Variants in NIPAL2 observed in about 807,000 individuals in gnomAD.
NIPAL2 encodes the protein NIPA-like protein 2.
NIPAL2 carries 43 observed loss-of-function variants against 48.9 expected under a neutral mutation model. The observed-to-expected ratio is 0.88, with a 90% confidence interval of 0.69 to 1.13. NIPAL2 has a LOEUF of 1.13. NIPAL2 is among the 50% of genes most tolerant of loss of function. The pLI is 0.00. For synonymous variants in NIPAL2, 167 were observed against 174.6 expected (o/e 0.96, Z 0.34); for missense variants, 446 against 461.4 (o/e 0.97, Z 0.31).
At chr8:98,272,708 G>A (rs890797589) in intron 1 of NIPAL2, among the ~76,000 whole-genome samples, 3 of 150,842 alleles carry the variant, frequency 2.0e-5, no homozygotes, top group African/African-American at 4.9e-5. Flanking sequence ...TCCACCTCCC[G>A]GGTTCAAACA....
At chr8:98,193,419 T>C in intron 10 of NIPAL2, 1 of 1,614,076 alleles carries the variant, frequency 6.2e-7, no homozygotes, top group Non-Finnish European at 8.5e-7. Flanking sequence ...GTGTCTTCTT[T>C]TCCACGTCGA....
rs1263868237 is a variant in NIPAL2, at chr8:98,212,412, TGCC to T, written c.645_647del (p.Ala216del). 2 of 1,573,088 alleles carry T rather than the reference TGCC, an allele frequency of 1.3e-6. No homozygotes were observed. Among genetic ancestry groups the T allele is most frequent in the African/African-American group, 2.7e-5 (2 of 74,042 alleles). Reference sequence around the variant, plus strand: ...AACAAAATATGCCTTTACCTAGAATTGCCACCAGGGTTAGCAGAATCACCATAT... The same window carrying T: ...AACAAAATATGCCTTTACCTAGAATTACCAGGGTTAGCAGAATCACCATAT... On this transcript the variant is annotated inframe_deletion, in exon 6 of 11. Coordinates refer to ENST00000430223, the MANE Select transcript of NIPAL2 (RefSeq NM_001321635.2).
rs184055405 is a variant in NIPAL2 at position 98,284,896 on chromosome 8, A to G, written c.135+9107T>C. ...GAGAAATTGCCAAGCAAGAAGCAAG[A>G]TAGAGACCAAGCAGAGGACACTACC... On this transcript the variant is annotated intron_variant, in intron 1 of 10. Coordinates refer to ENST00000430223, the MANE Select transcript of NIPAL2 (RefSeq NM_001321635.2). Among the ~76,000 whole-genome samples the G allele has an allele frequency of 6.6e-5, 10 of 152,226 alleles. No individual in the cohort carries two copies. The East Asian group carries it at 1.9e-3, about 29-fold the overall frequency.
chr8:98,250,282 T>C (rs1343068154), intron 3 of NIPAL2, among the ~76,000 whole-genome samples: 2 of 152,200 alleles, frequency 1.3e-5, no homozygotes, highest in African/African-American at 4.8e-5. Context: ...AGTTATAACA[T>C]AGGAAAGTGT....
In NIPAL2 at chr8:98,195,978, C is replaced by T. The variant is rs752152383; in HGVS notation, c.908G>A (p.Gly303Asp). The T allele has an allele frequency of 1.3e-6, 2 of 1,588,544 alleles. No homozygotes were observed. Among genetic ancestry groups the T allele is most frequent in the South Asian group, 1.1e-5 (1 of 88,646 alleles). The change falls in exon 9 of 11, where the codon GGT becomes GAT. Residue 303 changes from glycine (G) to aspartate (D), a missense_variant. Transcript: ENST00000430223. ...TATAAATACAGTGAGAAAAGGAGCA[C>T]CAAGGAATTCCTGATAAAATATGAT... ...AGIIFYQEFLGAPFLTVFIYL... is the reference protein window; with the variant it reads ...AGIIFYQEFLDAPFLTVFIYL...
chr8:98,241,578 G>A (rs550775097), intron 3 of NIPAL2, among the ~76,000 whole-genome samples: 1 of 152,142 alleles, frequency 6.6e-6, no homozygotes, highest in East Asian at 1.9e-4. Flanking sequence ...CAAGCCTAAA[G>A]GTGTCAATTG....
At position 98,190,062 on chromosome 8, in the gene NIPAL2, C is replaced by T. The variant is rs902655698; in HGVS notation, c.*2916G>A. On this transcript the variant is annotated 3_prime_UTR_variant, in exon 11 of 11. Coordinates refer to ENST00000430223, the MANE Select transcript of NIPAL2 (RefSeq NM_001321635.2). ...GTTAGTGGTGTTCACAAAAGAACCA[C>T]TGCCTTTCAACTTGGACCCTAAGAA... 6.6e-6 allele frequency: 1 copy of T among 152,232 alleles called. No homozygotes were observed. Among genetic ancestry groups the T allele is most frequent in the African/African-American group, 2.4e-5 (1 of 41,460 alleles). The allele number at this position is 152,232 out of a possible 1,614,324, so 9.4% of individuals were successfully genotyped here. A position where few individuals can be genotyped will look rare whatever the true frequency, so the allele number is the denominator to read the frequency against.
At chr8:98,242,751 T>A (rs1384423745) in intron 3 of NIPAL2, among the ~76,000 whole-genome samples, 2 of 152,130 alleles carry the variant, frequency 1.3e-5, no homozygotes, top group Admixed American at 6.5e-5. Context: ...CGCAAAGTGC[T>A]ACGATTACAG....
At chr8:98,262,196 A>G (rs1334441416) in intron 1 of NIPAL2, among the ~76,000 whole-genome samples, 13 of 151,504 alleles carry the variant, frequency 8.6e-5, no homozygotes, top group Admixed American at 2.0e-4. Context: ...AAAGACCATC[A>G]AGACTAGGAA....
At chr8:98,245,893 A>G (rs1466867354) in intron 3 of NIPAL2, among the ~76,000 whole-genome samples, 3 of 152,240 alleles carry the variant, frequency 2.0e-5, no homozygotes, top group Non-Finnish European at 4.4e-5. Context: ...GCAAAAGCAG[A>G]TAACTCATCA....
intron 1 of NIPAL2, among the ~76,000 whole-genome samples, chr8:98,266,985 A>C (rs1198828553): frequency 1.3e-5 from 2 of 151,746 alleles, no homozygotes; most frequent in Non-Finnish European, 2.9e-5. Flanking sequence ...AAAAAAAAAA[A>C]CTGCCAACCT....
chr8:98,254,122 G>A (rs1229834595), intron 1 of NIPAL2, 35 bp from the exon 2 acceptor site: 13 of 1,531,102 alleles, frequency 8.5e-6, no homozygotes, highest in Non-Finnish European at 1.2e-5. Flanking sequence ...AATAATACTT[G>A]TAAGATATTT....
At chr8:98,269,200 G>T (rs1233628506) in intron 1 of NIPAL2, among the ~76,000 whole-genome samples, 1 of 152,130 alleles carries the variant, frequency 6.6e-6, no homozygotes, top group Non-Finnish European at 1.5e-5. Flanking sequence ...TCCTGTGAGG[G>T]TGGATATTTT....
intron 7 of NIPAL2, among the ~76,000 whole-genome samples, chr8:98,204,854 GA>G (rs1205339795): frequency 3.3e-5 from 5 of 151,842 alleles, no homozygotes; most frequent in Non-Finnish European, 5.9e-5. Context: ...AGAGCATCAG[GA>G]AAGTATCAAA....
rs1024703062 is a variant in NIPAL2, at chr8:98,263,727, T to C, written c.136-9640A>G. On this transcript the variant is annotated intron_variant, in intron 1 of 10. Coordinates refer to ENST00000430223, the MANE Select transcript of NIPAL2 (RefSeq NM_001321635.2). ...AAGGAGGAACTGGTACCATTCCTTCTGAAACTATTCCAATCAATAGAAAAA... is the reference window on the plus strand; with the variant it reads ...AAGGAGGAACTGGTACCATTCCTTCCGAAACTATTCCAATCAATAGAAAAA... 3.4e-4 allele frequency among the ~76,000 whole-genome samples: 44 copies of C among 131,186 alleles called. No homozygotes were observed. The East Asian group carries it at 7.1e-3, about 21-fold the overall frequency. The allele number at this position is 131,186 out of a possible 152,430, so 86.1% of individuals were successfully genotyped here.
chr8:98,194,626 G>T, intron 10 of NIPAL2, 102 bp downstream of exon 10: 1 of 559,752 alleles, frequency 1.8e-6, no homozygotes, highest in Non-Finnish European at 3.0e-6. Context: ...CATTTTTTAG[G>T]ATAAGAATTA....
At chr8:98,252,731 A>T in intron 2 of NIPAL2, 97 bp from the exon 3 acceptor site, 1 of 1,014,160 alleles carries the variant, frequency 9.9e-7, no homozygotes, top group Non-Finnish European at 1.4e-6. Context: ...TTTTATAAGA[A>T]CGCTAATTTA....
chr8:98,240,341 A>C (rs746725840), intron 3 of NIPAL2, among the ~76,000 whole-genome samples: 1 of 152,190 alleles, frequency 6.6e-6, no homozygotes, highest in Non-Finnish European at 1.5e-5. Context: ...TGATGTAAGA[A>C]AAACCAGGAG....
chr8:98,285,831 T>C (rs1218670878), intron 1 of NIPAL2, among the ~76,000 whole-genome samples: 1 of 152,164 alleles, frequency 6.6e-6, no homozygotes, highest in Non-Finnish European at 1.5e-5. Flanking sequence ...CTGACTCCTC[T>C]TGCAAGCTAA....
Sources: allele counts gnomAD v4.1 joint callset (sites outside exome capture counted in the v4.1 genomes callset), GRCh38; gene constraint gnomAD v4.1.1; transcripts MANE v1.5; gene names NCBI Gene and HGNC (gene_info 2026-07-23, HGNC 2026-07-21).